The following FAN1 variants were observed in gnomAD, a reference collection of about 807,000 sequenced individuals.
FAN1 encodes the protein FANCD2 and FANCI associated nuclease 1, also known as fanconi-associated nuclease 1.
FAN1 carries 91 observed loss-of-function variants against 104.9 expected under a neutral mutation model. The ratio of observed to expected loss-of-function variants is 0.87; its 90% CI spans 0.73 to 1.03. FAN1 has a LOEUF of 1.03. Among genes scored for constraint, FAN1 ranks in the 50% least tolerant of loss-of-function variants. FAN1 has a pLI of 0.00. For synonymous variants in FAN1, 478 were observed against 457.6 expected (o/e 1.04, Z -0.57); for missense variants, 1,263 against 1,239.9 (o/e 1.02, Z -0.28).
rs1485005250 is a variant in FAN1 at position 30,925,132 on chromosome 15, C to T, written c.2178C>T (p.Ile726=). The change falls in exon 9 of 15, where the codon ATC becomes ATT. Residue 726 remains isoleucine, a synonymous_variant. Coordinates refer to ENST00000362065, the MANE Select transcript of FAN1 (RefSeq NM_014967.5). ...GTGACCATGCTCTCTGCCAGACTATCAAGTGCATCACAGAGGGGCTGGCGG... is the reference window on the plus strand; with the variant it reads ...GTGACCATGCTCTCTGCCAGACTATTAAGTGCATCACAGAGGGGCTGGCGG... ...HQHLKRLEPT[I]KCITEGLADP... 6.2e-7 allele frequency: 1 copy of T among 1,613,248 alleles called. No homozygotes were observed. Among genetic ancestry groups the T allele is most frequent in the South Asian group, 1.1e-5 (1 of 90,940 alleles).
chr15:30,939,991 C>A lies in FAN1; in HGVS notation c.*4-1575C>A, dbSNP rs1022703183. The A allele has an allele frequency of 3.8e-5, 37 of 977,476 alleles. No homozygotes were observed. The African/African-American group carries it at 6.1e-4, about 16-fold the overall frequency. The allele number at this position is 977,476 out of a possible 1,614,324, so 60.6% of individuals were successfully genotyped here. ...AGAGACATTATCAAATTTTAAAAGGCAAATAATTCAAAAAGAAACAGCTAT... is the reference window on the plus strand; with the variant it reads ...AGAGACATTATCAAATTTTAAAAGGAAAATAATTCAAAAAGAAACAGCTAT... On this transcript the variant is annotated intron_variant, in intron 14 of 14. Coordinates refer to ENST00000362065, the MANE Select transcript of FAN1 (RefSeq NM_014967.5).
In FAN1 at chr15:30,942,305, A is replaced by T; in HGVS notation, c.*743A>T. On this transcript the variant is annotated 3_prime_UTR_variant, in exon 15 of 15. Coordinates refer to ENST00000362065, the MANE Select transcript of FAN1 (RefSeq NM_014967.5). ...TATCAGCCTGAATGGGGGCGGGATGAGAGTACCTCCTATCCACTAATTTGC... is the reference window on the plus strand; with the variant it reads ...TATCAGCCTGAATGGGGGCGGGATGTGAGTACCTCCTATCCACTAATTTGC... The T allele has an allele frequency of 1.7e-6, 1 of 585,626 alleles. No individual in the cohort carries two copies. The highest frequency in any genetic ancestry group is 3.0e-6 in the Non-Finnish European group (1 of 336,002). 36.3% of individuals were successfully genotyped at this position (585,626 alleles called of 1,614,324 possible). A position where few individuals can be genotyped will look rare whatever the true frequency, so the allele number is the denominator to read the frequency against.
intron 5 of FAN1, among the ~76,000 whole-genome samples, chr15:30,917,095 G>C (rs1462172212): frequency 6.6e-6 from 1 of 152,220 alleles, no homozygotes; most frequent in East Asian, 1.9e-4. Flanking sequence ...GTGGAGAGAA[G>C]TGAATGTGTA....
chr15:30,918,067 C>T, intron 5 of FAN1, 97 bp from the exon 6 acceptor site: 1 of 1,262,232 alleles, frequency 7.9e-7, no homozygotes, highest in Non-Finnish European at 1.1e-6. Context: ...TTAAAAAACA[C>T]ACTTTTACCT....
Position 30,905,774 on chromosome 15 carries a change from G to C in FAN1, c.1111G>C (p.Gly371Arg). The change falls in exon 2 of 15, where the codon GGT becomes CGT. Residue 371 changes from glycine to arginine, a missense_variant. By Grantham distance (125) the Gly-to-Arg change is moderately radical. Around this residue, in one of 2 missense-constraint regions of FAN1, gnomAD observed 682 missense variants for 571.1 expected, o/e 1.19. Transcript: ENST00000362065. ...CTGCAATGGTCCTGGTCAAACAACC[G>C]GTCATCCTTACTACCTTCGGAGTTT... is the stretch of plus-strand genomic sequence containing the variant. ...SSCNGPGQTT[G>R]HPYYLRSFLV... 6.2e-7 allele frequency: 1 copy of C among 1,614,176 alleles called. No individual in the cohort carries two copies. Among genetic ancestry groups the C allele is most frequent in the South Asian group, 1.1e-5 (1 of 91,076 alleles).
chr15:30,942,997 G>T lies in FAN1; in HGVS notation c.*1435G>T. ...GTGCGATCCTTTGCTGTAAACTGGA[G>T]AGACCAGTCCCAAACAGAGGGGAAT... is the stretch of plus-strand genomic sequence containing the variant. On this transcript the variant is annotated 3_prime_UTR_variant, in exon 15 of 15. Transcript: ENST00000362065. 6.4e-7 allele frequency: 1 copy of T among 1,552,862 alleles called. No individual in the cohort carries two copies. The highest frequency in any genetic ancestry group is 8.7e-7 in the Non-Finnish European group (1 of 1,147,352).
In FAN1 at chr15:30,942,317, A is replaced by C. The variant is rs929524419; in HGVS notation, c.*755A>C. 18 of 558,808 alleles carry C rather than the reference A, an allele frequency of 3.2e-5. No individual in the cohort carries two copies. The highest frequency in any genetic ancestry group is 5.0e-5 in the Non-Finnish European group (16 of 318,476). 34.6% of individuals were successfully genotyped at this position (558,808 alleles called of 1,614,324 possible). On this transcript the variant is annotated 3_prime_UTR_variant, in exon 15 of 15. Coordinates refer to ENST00000362065, the MANE Select transcript of FAN1 (RefSeq NM_014967.5). ...TGGGGGCGGGATGAGAGTACCTCCT[A>C]TCCACTAATTTGCTTAAGGATAAGT... is the stretch of plus-strand genomic sequence containing the variant.
chr15:30,908,341 G>T, intron 3 of FAN1, 83 bp downstream of exon 3: 3 of 1,217,868 alleles, frequency 2.5e-6, no homozygotes, highest in Non-Finnish European at 3.4e-6. Context: ...TATTATTATG[G>T]TGCCCTCCCC....
chr15:30,937,241 C>A lies in FAN1; in HGVS notation c.3039C>A (p.Ser1013Arg), dbSNP rs777763916. The A allele has an allele frequency of 5.0e-6, 8 of 1,612,862 alleles. No individual in the cohort carries two copies. The East Asian group carries it at 1.6e-4, about 31-fold the overall frequency. ...ATGTGGTTGCAGTTGGAGCTAAGAG[C>A]CAAAGCCTTAGCTAAAAGGTATGGA... ...VCHVVAVGAK[S>R]QSLS The change falls in exon 14 of 15, where the codon AGC becomes AGA. Residue 1013 changes from serine to arginine, a missense_variant. Transcript: ENST00000362065.
At chr15:30,932,497 C>T (rs938534354) in intron 13 of FAN1, among the ~76,000 whole-genome samples, 1 of 151,988 alleles carries the variant, frequency 6.6e-6, no homozygotes, top group Non-Finnish European at 1.5e-5. Context: ...TAGTATTATT[C>T]CCTAAACATT....
chr15:30,906,634 T>A (rs1298174494), intron 2 of FAN1: 1 of 422,344 alleles, frequency 2.4e-6, no homozygotes, highest in Non-Finnish European at 4.8e-6. Flanking sequence ...AATGCGGCCA[T>A]GTGTGACTCC....
intron 10 of FAN1, chr15:30,928,092 C>T (rs1231634891): frequency 6.0e-6 from 6 of 1,000,012 alleles, no homozygotes; most frequent in Non-Finnish European, 7.1e-6. Context: ...GAGGTGGCTG[C>T]TGCCGGCCTC....
At chr15:30,919,689 G>A (rs887260597) in intron 6 of FAN1, among the ~76,000 whole-genome samples, 2 of 137,800 alleles carry the variant, frequency 1.5e-5, no homozygotes, top group Non-Finnish European at 1.5e-5. Flanking sequence ...ACTCTGTCTC[G>A]GGGAAAAAAA....
At chr15:30,904,414 C>A (rs1264654155) in intron 1 of FAN1, 98 bp from the exon 2 acceptor site, 1 of 574,822 alleles carries the variant, frequency 1.7e-6, no homozygotes, top group Non-Finnish European at 3.1e-6. Context: ...GTTGTCTCCT[C>A]GTTACAGGAG....
chr15:30,927,414 T>G (rs2062492538), intron 10 of FAN1: 1 of 985,400 alleles, frequency 1.0e-6, no homozygotes, highest in South Asian at 4.7e-5. Context: ...CCGCTGTCCT[T>G]TTGAATCCCT....
At chr15:30,915,997 A>C (rs2062191118) in intron 5 of FAN1, among the ~76,000 whole-genome samples, 1 of 152,182 alleles carries the variant, frequency 6.6e-6, no homozygotes, top group Admixed American at 6.5e-5. Context: ...TTTAAGAAGT[A>C]AGTTATTGAA....
Position 30,904,787 on chromosome 15 carries a change from CT to C in FAN1, c.126del (p.Ala43ProfsTer14). 6.2e-7 allele frequency: 1 copy of C among 1,613,618 alleles called. No individual in the cohort carries two copies. ...TTTTAACAATGCACCACCTGCTAAACTTGCCTGCCCCGTTTGCAGTAAAATG... is the reference window on the plus strand; with the variant it reads ...TTTTAACAATGCACCACCTGCTAAACTGCCTGCCCCGTTTGCAGTAAAATG... ...SCFNNAPPAK[L>X]ACPVCSKMVP... On this transcript the variant is annotated frameshift_variant, in exon 2 of 15. Transcript: ENST00000362065. LOFTEE classifies it high-confidence loss of function.
chr15:30,932,040 G>A (rs2062724683), intron 13 of FAN1, among the ~76,000 whole-genome samples: 1 of 151,708 alleles, frequency 6.6e-6, no homozygotes, highest in Non-Finnish European at 1.5e-5. Context: ...GGCTAACATG[G>A]TGAAACCCCG....
Position 30,920,587 on chromosome 15 carries a change from T to C in FAN1, c.1986T>C (p.Val662=), listed in dbSNP as rs1390400173. The C allele has an allele frequency of 1.2e-6, 2 of 1,612,218 alleles. No individual in the cohort carries two copies. Among genetic ancestry groups the C allele is most frequent in the Non-Finnish European group, 1.7e-6 (2 of 1,179,262 alleles). ...CACTCTTCCTGCGGTGTTTCACTGT[T>C]GGGTGGATTTATACAAGGATTTTGT... The part of the protein sequence containing the change: ...DLPLFLRCFT[V]GWIYTRILSR... Residue 662 remains valine, a synonymous_variant, in exon 7 of 15, where the codon GTT becomes GTC. Transcript: ENST00000362065.
Sources: allele counts gnomAD v4.1 joint callset (sites outside exome capture counted in the v4.1 genomes callset), GRCh38; gene constraint gnomAD v4.1.1; regional missense constraint gnomAD v4.1.1; transcripts MANE v1.5; gene names NCBI Gene and HGNC (gene_info 2026-07-23, HGNC 2026-07-21).